The following ZNF638 variants were observed in gnomAD, a reference collection of about 807,000 sequenced individuals.
The protein encoded by ZNF638 is CTCL tumor antigen se33-1.
A neutral mutation model predicts 195.6 loss-of-function variants in ZNF638; 46 were observed. The observed-to-expected ratio is 0.24, with a 90% CI of 0.19 to 0.30. The LOEUF is 0.30. ZNF638 is among the 10% of genes least tolerant of loss of function. The pLI is 1.00. For synonymous variants in ZNF638, 845 were observed against 772.0 expected (o/e 1.09, Z -1.57); for missense variants, 2,440 against 2,325.3 (o/e 1.05, Z -1.01).
intron 15 of ZNF638, 33 bp downstream of exon 15, chr2:71,400,551 G>A: frequency 1.9e-6 from 3 of 1,543,582 alleles, no homozygotes; most frequent in Non-Finnish European, 2.6e-6. Context: ...TTTCTTTAAA[G>A]CTCAAGACAT....
chr2:71,431,931 G>A lies in ZNF638; in HGVS notation c.5752+503G>A, dbSNP rs1047815440. On this transcript the variant is annotated intron_variant, in intron 26 of 27. Transcript: ENST00000264447. ...TTTACCTGAGAAGGATATTTTTACTGCACTCTTGAAATCTGGGATGTATCT... is the reference window on the plus strand; with the variant it reads ...TTTACCTGAGAAGGATATTTTTACTACACTCTTGAAATCTGGGATGTATCT... Among the ~76,000 whole-genome samples the A allele has an allele frequency of 1.7e-4, 26 of 152,198 alleles. No homozygotes were observed. In the East Asian group the frequency reaches 4.8e-3, roughly 28 times the overall value.
At position 71,423,465 on chromosome 2, in the gene ZNF638, T is replaced by A. The variant is rs1370069788; in HGVS notation, c.3951T>A (p.Thr1317=). 6.2e-7 allele frequency: 1 copy of A among 1,613,186 alleles called. No individual in the cohort carries two copies. The highest frequency in any genetic ancestry group is 8.5e-7 in the Non-Finnish European group (1 of 1,179,856). Residue 1317 remains threonine (T), a synonymous_variant, in exon 22 of 28, where the codon ACT becomes ACA. Transcript: ENST00000264447. ...AAAAGGAGGAGAAGGAATTTAATAC[T>A]AAGGAAACCAGAATGGATCTTCAAA... ...MDEKEEKEFN[T]KETRMDLQIG...
chr2:71,393,531 C>T (rs1245493412), intron 10 of ZNF638: 17 of 717,768 alleles, frequency 2.4e-5, no homozygotes, highest in Non-Finnish European at 4.2e-5. Flanking sequence ...CGACACAAGC[C>T]CCGGACATTA....
At position 71,428,682 on chromosome 2, in the gene ZNF638, A is replaced by G. The variant is rs370654326; in HGVS notation, c.5650+31A>G. ...GCAGGATTGTTGGAATGGGAAGGAA[A>G]GTTACACAACACAGGAGAGTAGTTG... On this transcript the variant is annotated intron_variant, in intron 25 of 27. Transcript: ENST00000264447. The G allele has an allele frequency of 8.3e-6, 13 of 1,563,310 alleles. No individual in the cohort carries two copies. In the African/African-American group the frequency reaches 1.4e-4, roughly 16 times the overall value.
In ZNF638 at chr2:71,350,034, T is replaced by C. The variant is rs775237553; in HGVS notation, c.1080T>C (p.Ser360=). 35 of 1,614,236 alleles carry C rather than the reference T, an allele frequency of 2.2e-5. No individual in the cohort carries two copies. The Middle Eastern group carries it at 4.1e-3, about 190-fold the overall frequency. The change falls in exon 2 of 28, where the codon TCT becomes TCC. Residue 360 remains serine (S), a synonymous_variant. Transcript: ENST00000264447. ...CACATGAACCTGTGATTAATTCATC[T>C]AACGTACATGTTGGATCAAGAGGAA... ...RIPHEPVINS[S]NVHVGSRGSK...
chr2:71,428,929 A>G (rs1389553407), intron 25 of ZNF638: 4 of 251,630 alleles, frequency 1.6e-5, no homozygotes, highest in Non-Finnish European at 3.1e-5. Flanking sequence ...TTAACTAGCT[A>G]TTATTTGTGG....
At position 71,349,201 on chromosome 2, in the gene ZNF638, A is replaced by C. The variant is rs748329873; in HGVS notation, c.247A>C (p.Thr83Pro). ...VTQHRTDPRL[T>P]KEKLDFHEAQ... ...TCAACACAGAACTGATCCAAGATTG[A>C]CCAAAGAAAAACTGGATTTTCATGA... is the stretch of plus-strand genomic sequence containing the variant. The change falls in exon 2 of 28, where the codon ACC (threonine) becomes CCC (proline). Residue 83 changes from threonine (T) to proline (P), a missense_variant. Physicochemically the swap from Thr to Pro is conservative, Grantham distance 38. Transcript: ENST00000264447. The C allele has an allele frequency of 6.2e-7, 1 of 1,614,212 alleles. No homozygotes were observed. Among genetic ancestry groups the C allele is most frequent in the African/African-American group, 1.3e-5 (1 of 75,040 alleles).
In ZNF638 at chr2:71,426,674, A is replaced by G; in HGVS notation, c.4805A>G (p.Asp1602Gly). Reference protein sequence around the residue: ...VEGELSFVTLDEIGEEEDAAA... With the variant: ...VEGELSFVTLGEIGEEEDAAA... ...GGAGAACTATCTTTTGTGACATTGG[A>G]TGAGATTGGGGAAGAGGAAGATGCA... The change falls in exon 24 of 28, where the codon GAT becomes GGT. Residue 1602 changes from aspartate to glycine, a missense_variant. Asp to Gly is a moderately conservative substitution (Grantham distance 94). Transcript: ENST00000264447. The G allele has an allele frequency of 1.9e-6, 3 of 1,614,198 alleles. No individual in the cohort carries two copies. The highest frequency in any genetic ancestry group is 2.5e-6 in the Non-Finnish European group (3 of 1,180,034).
chr2:71,380,651 A>G (rs904878731), intron 10 of ZNF638, 86 bp downstream of exon 10: 10 of 1,156,030 alleles, frequency 8.7e-6, no homozygotes, highest in East Asian at 5.0e-5. Flanking sequence ...TGAAGACACT[A>G]TTGTGCTTTA....
intron 16 of ZNF638, among the ~76,000 whole-genome samples, chr2:71,402,407 G>A (rs953244822): frequency 7.2e-5 from 11 of 151,806 alleles, no homozygotes; most frequent in African/African-American, 2.4e-4. Flanking sequence ...ATGTTTAATA[G>A]TAGGAAATGT....
intron 25 of ZNF638, 190 bp downstream of exon 25, chr2:71,428,841 T>A (rs1015692495): frequency 6.7e-6 from 3 of 447,874 alleles, no homozygotes; most frequent in Non-Finnish European, 1.2e-5. Context: ...ATTATTGATA[T>A]TAGAATGTGA....
At chr2:71,389,916 A>G (rs1343217454) in intron 10 of ZNF638, among the ~76,000 whole-genome samples, 1 of 152,206 alleles carries the variant, frequency 6.6e-6, no homozygotes, top group Non-Finnish European at 1.5e-5. Flanking sequence ...CAGGGAACTT[A>G]CACGAGCACG....
At chr2:71,389,890 G>T (rs780137652) in intron 10 of ZNF638, among the ~76,000 whole-genome samples, 1 of 152,204 alleles carries the variant, frequency 6.6e-6, no homozygotes, top group South Asian at 2.1e-4. Flanking sequence ...GCAGTCAGAG[G>T]AAAGGCAGTT....
rs201723803 is a variant in ZNF638 at position 71,363,995 on chromosome 2, G to C, written c.1460G>C (p.Arg487Pro). 1 of 1,614,068 alleles carries C rather than the reference G, an allele frequency of 6.2e-7. No individual in the cohort carries two copies. Among genetic ancestry groups the C allele is most frequent in the Non-Finnish European group, 8.5e-7 (1 of 1,179,984 alleles). The change falls in exon 5 of 28, where the codon CGT becomes CCT. Residue 487 changes from arginine to proline, a missense_variant. By Grantham distance (103) the Arg-to-Pro change is moderately radical. Around this residue, in one of 5 missense-constraint regions of ZNF638, gnomAD observed 1,883 missense variants for 1,739.1 expected, o/e 1.08. Coordinates refer to ENST00000264447, the MANE Select transcript of ZNF638 (RefSeq NM_014497.5). ...AAAGAAAATGAAACTCCACGAAGACGTTCTCATTCCCCCAGTCCTAGGCGT... is the reference window on the plus strand; with the variant it reads ...AAAGAAAATGAAACTCCACGAAGACCTTCTCATTCCCCCAGTCCTAGGCGT... ...NRKENETPRR[R>P]SHSPSPRRSR...
chr2:71,374,110 G>C (rs762329216), intron 8 of ZNF638: 1 of 152,296 alleles, frequency 6.6e-6, no homozygotes, highest in African/African-American at 2.4e-5. Context: ...ACAGGCATGA[G>C]CCACTGTTTC....
intron 5 of ZNF638, 69 bp from the exon 6 acceptor site, chr2:71,365,360 A>G (rs1478365036): frequency 1.6e-6 from 2 of 1,282,948 alleles, no homozygotes; most frequent in Admixed American, 2.7e-5. Context: ...GCACTATGTG[A>G]TTATGTCATG....
chr2:71,363,261 A>G (rs2079138762), intron 4 of ZNF638, 70 bp downstream of exon 4: 2 of 1,187,082 alleles, frequency 1.7e-6, no homozygotes, highest in Non-Finnish European at 2.4e-6. Flanking sequence ...AATTTTAAGA[A>G]AGTGATTCTT....
At position 71,423,972 on chromosome 2, in the gene ZNF638, A is replaced by C; in HGVS notation, c.4458A>C (p.Ile1486=). ...TTTCTAAACTGGATTACAGAGATAT[A>C]ACAAAACAATCTCAGGAAACAGAGG... ...GKLSKLDYRD[I]TKQSQETEAR... Residue 1486 remains isoleucine, a synonymous_variant, in exon 22 of 28, where the codon ATA becomes ATC. Coordinates refer to ENST00000264447, the MANE Select transcript of ZNF638 (RefSeq NM_014497.5). 6.2e-7 allele frequency: 1 copy of C among 1,614,116 alleles called. No homozygotes were observed. Among genetic ancestry groups the C allele is most frequent in the South Asian group, 1.1e-5 (1 of 91,070 alleles).
Position 71,380,353 on chromosome 2 carries a change from C to T in ZNF638, c.2324+73C>T, listed in dbSNP as rs554989862. ...CTTAAGAAATTTTAATTTTTAAAAC[C>T]GCATTTTAAATATATTTTATCACTA... On this transcript the variant is annotated intron_variant, in intron 9 of 27. Coordinates refer to ENST00000264447, the MANE Select transcript of ZNF638 (RefSeq NM_014497.5). The T allele has an allele frequency of 1.6e-4, 191 of 1,201,546 alleles. 7 individuals are homozygous for T. In the South Asian group the frequency reaches 2.7e-3, roughly 17 times the overall value. 74.4% of individuals were successfully genotyped at this position (1,201,546 alleles called of 1,614,324 possible).
Sources: allele counts gnomAD v4.1 joint callset (sites outside exome capture counted in the v4.1 genomes callset), GRCh38; gene constraint gnomAD v4.1.1; regional missense constraint gnomAD v4.1.1; transcripts MANE v1.5; gene names NCBI Gene and HGNC (gene_info 2026-07-23, HGNC 2026-07-21).